The following GK5 variants were observed in gnomAD, a reference collection of about 807,000 sequenced individuals.
GK5 encodes the protein ATP:glycerol 3-phosphotransferase 5.
In GK5, 39 loss-of-function variants were observed where a neutral mutation model predicts 77.3. The observed-to-expected ratio is 0.50, with a 90% confidence interval of 0.39 to 0.66. GK5 has a LOEUF of 0.66. Among genes scored for constraint, GK5 ranks in the 30% least tolerant of loss-of-function variants. The pLI is 0.00. For missense variants in GK5, 487 were observed against 633.8 expected, an observed-to-expected ratio of 0.77 and a Z score of 2.49; for synonymous variants, 211 against 208.0, an observed-to-expected ratio of 1.01 and a Z score of -0.13.
intron 5 of GK5, among the ~76,000 whole-genome samples, chr3:142,194,030 T>C (rs1023087902): frequency 2.0e-5 from 3 of 151,526 alleles, no homozygotes; most frequent in Admixed American, 2.0e-4. Context: ...CATGAGCCAC[T>C]GCGTCCAGCC....
intron 2 of GK5, among the ~76,000 whole-genome samples, chr3:142,214,641 C>G (rs2064246197): frequency 6.6e-6 from 1 of 152,132 alleles, no homozygotes; most frequent in Admixed American, 6.5e-5. Context: ...AGAATGTGCT[C>G]TAGATGAAAG....
intron 4 of GK5, among the ~76,000 whole-genome samples, chr3:142,202,670 T>C (rs1352811107): frequency 3.3e-5 from 5 of 152,170 alleles, no homozygotes; most frequent in Admixed American, 1.3e-4. Context: ...GATTGGAAAT[T>C]TGAGGCTTAG....
intron 3 of GK5, among the ~76,000 whole-genome samples, chr3:142,206,554 T>G (rs531231378): frequency 6.6e-6 from 1 of 152,374 alleles, no homozygotes; most frequent in Non-Finnish European, 1.5e-5. Flanking sequence ...TGACCATCTG[T>G]GTATTACTCA....
At chr3:142,214,458 C>T (rs1560237194) in intron 2 of GK5, among the ~76,000 whole-genome samples, 2 of 152,046 alleles carry the variant, frequency 1.3e-5, no homozygotes, top group African/African-American at 4.8e-5. Context: ...TTTATCCCAC[C>T]GGGAAAATCT....
intron 11 of GK5, among the ~76,000 whole-genome samples, chr3:142,178,819 G>C (rs1318602745): frequency 6.6e-6 from 1 of 152,186 alleles, no homozygotes; most frequent in Non-Finnish European, 1.5e-5. Flanking sequence ...TTCACATTTA[G>C]AACCAGCTTT....
chr3:142,184,561 CTCA>C (rs1240423586), intron 9 of GK5: 1 of 152,086 alleles, frequency 6.6e-6, no homozygotes, highest in Non-Finnish European at 1.5e-5. Flanking sequence ...AGGATCAAAA[CTCA>C]TCTAAAGGCT....
intron 4 of GK5, among the ~76,000 whole-genome samples, chr3:142,200,102 C>CACACACACACACACACACAAACACAT (rs1421303921): frequency 4.7e-5 from 7 of 149,872 alleles, no homozygotes; most frequent in African/African-American, 1.5e-4. Context: ...TATATATACA[C>CACACACACACACACACACAAACACAT]ACACACACAC....
chr3:142,217,957 C>T (rs1169212984), intron 1 of GK5, among the ~76,000 whole-genome samples: 2 of 151,492 alleles, frequency 1.3e-5, no homozygotes, highest in Non-Finnish European at 2.9e-5. Context: ...GCCAAAACAA[C>T]GTTGAAAAAG....
At chr3:142,213,059 C>G (rs1204476490) in intron 3 of GK5, among the ~76,000 whole-genome samples, 1 of 151,926 alleles carries the variant, frequency 6.6e-6, no homozygotes, top group African/African-American at 2.4e-5. Context: ...TGGTCTCGAT[C>G]TCCTGACCTC....
intron 9 of GK5, chr3:142,185,603 T>C: frequency 1.8e-6 from 2 of 1,121,918 alleles, no homozygotes; most frequent in Non-Finnish European, 2.2e-6. Context: ...CTGTGTTTTG[T>C]CTCAGAGTAC....
chr3:142,173,157 C>T (rs977293396), intron 12 of GK5: 7 of 432,040 alleles, frequency 1.6e-5, no homozygotes, highest in Non-Finnish European at 2.7e-5. Context: ...GCCGTGATCG[C>T]GTTACTGCAC....
At chr3:142,196,071 T>C (rs1038157894) in intron 5 of GK5, among the ~76,000 whole-genome samples, 18 of 152,216 alleles carry the variant, frequency 1.2e-4, no homozygotes, top group African/African-American at 4.1e-4. Flanking sequence ...TGTGTATTTC[T>C]AGGAAATTTT....
intron 3 of GK5, among the ~76,000 whole-genome samples, chr3:142,212,848 T>TTTCTTTTTTTC (rs1184332892): frequency 6.7e-6 from 1 of 148,786 alleles, no homozygotes; most frequent in Non-Finnish European, 1.5e-5. Flanking sequence ...TTCTTTTTTT[T>TTTCTTTTTTTC]TTTTTGAGAC....
chr3:142,204,876 C>A (rs879579205), intron 3 of GK5, 88 bp from the exon 4 acceptor site: 2 of 704,460 alleles, frequency 2.8e-6, no homozygotes, highest in Admixed American at 2.6e-5. Flanking sequence ...AAATTAGAGG[C>A]CATACTGTAA....
chr3:142,177,879 A>G (rs1292897867), intron 11 of GK5, among the ~76,000 whole-genome samples: 8 of 134,598 alleles, frequency 5.9e-5, no homozygotes, highest in Non-Finnish European at 1.2e-4. Flanking sequence ...TTTTTTTGAG[A>G]CGGAGTTTCA....
chr3:142,183,187 ATCCC>A, intron 9 of GK5, 138 bp from the exon 10 acceptor site: 1 of 738,922 alleles, frequency 1.4e-6, no homozygotes, highest in Non-Finnish European at 2.1e-6. Flanking sequence ...AAAAAAAAAA[ATCCC>A]AAAGAGAATA....
chr3:142,167,329 G>A (rs529981892), intron 15 of GK5, among the ~76,000 whole-genome samples: 1 of 151,664 alleles, frequency 6.6e-6, no homozygotes, highest in African/African-American at 2.4e-5. Flanking sequence ...ACCCGAGATC[G>A]CACCACTGCA....
rs2063454190 is a variant in GK5 at position 142,164,603 on chromosome 3, C to G, written c.*1019G>C. On this transcript the variant is annotated 3_prime_UTR_variant, in exon 16 of 16. Transcript: ENST00000392993. ...CTCTCCTCCCTTCTATCAGCTGTCC[C>G]CCACACATACTCACAGGGATGAGTA... 2 of 152,172 alleles carry G rather than the reference C, an allele frequency of 1.3e-5. No individual in the cohort carries two copies. The allele number at this position is 152,172 out of a possible 1,614,324, so 9.4% of individuals were successfully genotyped here. A position where few individuals can be genotyped will look rare whatever the true frequency, so the allele number is the denominator to read the frequency against.
chr3:142,163,997 T>C lies in GK5; in HGVS notation c.*1625A>G, dbSNP rs1292721602. ...GAAAGAATGAAAAGAATAAGATTTA[T>C]CTACATAATGAAGTTTGACTTTTTA... On this transcript the variant is annotated 3_prime_UTR_variant, in exon 16 of 16. Transcript: ENST00000392993. 1 of 152,178 alleles carries C rather than the reference T, an allele frequency of 6.6e-6. No individual in the cohort carries two copies. Among genetic ancestry groups the C allele is most frequent in the East Asian group, 1.9e-4 (1 of 5,206 alleles). The allele number at this position is 152,178 out of a possible 1,614,324, so 9.4% of individuals were successfully genotyped here. A position where few individuals can be genotyped will look rare whatever the true frequency, so the allele number is the denominator to read the frequency against.
Sources: gnomAD v4.1 joint callset for allele counts (sites outside exome capture counted in the v4.1 genomes callset) on GRCh38, gnomAD v4.1.1 for gene constraint, MANE v1.5 for transcripts, NCBI Gene and HGNC (gene_info 2026-07-23, HGNC 2026-07-21) for gene names.